The following AK1 variants were observed in gnomAD, a reference collection of about 807,000 sequenced individuals.
AK1 encodes adenylate kinase 1.
AK1 carries 13 observed loss-of-function variants against 23.9 expected under a neutral mutation model. That is an observed-to-expected ratio of 0.54 (90% CI 0.35 to 0.86). The LOEUF (loss-of-function observed/expected upper bound fraction) is 0.86, where lower values mean the gene tolerates loss of function less well. AK1 is among the 40% of genes least tolerant of loss of function. AK1 has a pLI of 0.01. For synonymous variants in AK1, 97 were observed against 102.8 expected (o/e 0.94, Z 0.34); for missense variants, 214 against 255.1 (o/e 0.84, Z 1.10).
At chr9:127,873,991 G>A in intron 2 of AK1, 2 of 985,446 alleles carry the variant, frequency 2.0e-6, no homozygotes, top group Non-Finnish European at 2.4e-6. Context: ...CCCTATCCCG[G>A]GGGTGCAGTG....
At chr9:127,875,826 A>C (rs1272212304) in intron 1 of AK1, among the ~76,000 whole-genome samples, 1 of 151,440 alleles carries the variant, frequency 6.6e-6, no homozygotes, top group Non-Finnish European at 1.5e-5. Flanking sequence ...TCCCCTCCCC[A>C]GGCTCTCTCC....
In AK1 at chr9:127,866,992, C is replaced by T. The variant is rs918726473; in HGVS notation, c.*1016G>A. On this transcript the variant is annotated 3_prime_UTR_variant, in exon 7 of 7. Transcript: ENST00000644144. ...TCAGGTCTCACCCCTGACCATGACT[C>T]CCCCAATTCAATTTCTTTTTTTTTT... 6.6e-6 allele frequency: 1 copy of T among 151,724 alleles called. No individual in the cohort carries two copies. The highest frequency in any genetic ancestry group is 1.5e-5 in the Non-Finnish European group (1 of 68,112). The allele number at this position is 151,724 out of a possible 1,614,324, so 9.4% of individuals were successfully genotyped here. A position where few individuals can be genotyped will look rare whatever the true frequency, so the allele number is the denominator to read the frequency against.
chr9:127,877,681 G>C (rs1740963417), upstream of AK1: 1 of 152,286 alleles, frequency 6.6e-6, no homozygotes, highest in African/African-American at 2.4e-5. This position sits in a 1 kb window ranked among gnomAD's most constrained non-coding sequence, Gnocchi z 5.2. Context: ...TCCTCGCGGC[G>C]GCCGGCAAAG....
chr9:127,870,811 ATGGGAATGG>A (rs1564472132), intron 5 of AK1, among the ~76,000 whole-genome samples: 1 of 16,384 alleles, frequency 6.1e-5, no homozygotes, highest in African/African-American at 1.1e-4. Flanking sequence ...GAGACGGGGC[ATGGGAATGG>A]GGCATGGGAA....
intron 5 of AK1, among the ~76,000 whole-genome samples, chr9:127,870,756 T>C (rs1429955488): frequency 6.6e-6 from 1 of 151,716 alleles, no homozygotes; most frequent in Non-Finnish European, 1.5e-5. Flanking sequence ...TGGCCTCCTA[T>C]CCCCAGATGA....
rs750337792 is a variant in AK1, at chr9:127,873,087, G to A, written c.8-26C>T. On this transcript the variant is annotated intron_variant, in intron 2 of 6. Coordinates refer to ENST00000644144, the MANE Select transcript of AK1 (RefSeq NM_000476.3). The stretch of plus-strand genomic sequence containing the variant: ...CTGCGGGAGAGAAAAGGGGAGCAGG[G>A]CTCAGTCACTCGCTGGACCCACAGC... 6.8e-6 allele frequency: 11 copies of A among 1,611,202 alleles called. No individual in the cohort carries two copies. In the South Asian group the frequency reaches 1.1e-4, roughly 16 times the overall value.
Position 127,867,998 on chromosome 9 carries a change from T to C in AK1, c.*10A>G. Reference sequence around the variant, plus strand: ...CGGGGCTCTGAGCTGGGGAAGCGGCTCCAGCGTTGCTACTTTAGGGCGTCC... The same window carrying C: ...CGGGGCTCTGAGCTGGGGAAGCGGCCCCAGCGTTGCTACTTTAGGGCGTCC... On this transcript the variant is annotated 3_prime_UTR_variant, in exon 7 of 7. Transcript: ENST00000644144. The C allele has an allele frequency of 6.2e-7, 1 of 1,613,982 alleles. No homozygotes were observed. Among genetic ancestry groups the C allele is most frequent in the East Asian group, 2.2e-5 (1 of 44,884 alleles).
chr9:127,871,828 G>A lies in AK1; in HGVS notation c.319C>T (p.Arg107Ter), dbSNP rs104894102. ...CACTTGGGTCAGTGCCTTACCCGTC[G>A]CTCAAACTCTTCTCCTTGCTGCACC... ...REVQQGEEFE[R>*]RIGQPTLLLY... is the part of the protein sequence containing the mutation. Residue 107 changes from arginine to a stop codon, truncating the protein, a stop_gained, in exon 5 of 7, where the codon CGA (arginine) becomes TGA (stop). Transcript: ENST00000644144. LOFTEE classifies it high-confidence loss of function. The surrounding 1 kb of genome is among the most constrained non-coding windows in gnomAD (Gnocchi z 4.4). The A allele has an allele frequency of 6.2e-7, 1 of 1,613,862 alleles. No homozygotes were observed. The highest frequency in any genetic ancestry group is 8.5e-7 in the Non-Finnish European group (1 of 1,179,882).
Position 127,868,259 on chromosome 9 carries a change from T to C in AK1, c.516+62A>G, listed in dbSNP as rs1353342526. ...GCTGGCCTGAGGCCACACAGTGAGC[T>C]GAGGCGGAGCCACATAGGAACCCGT... On this transcript the variant is annotated intron_variant, in intron 6 of 6. Coordinates refer to ENST00000644144, the MANE Select transcript of AK1 (RefSeq NM_000476.3). This position sits in a 1 kb window ranked among gnomAD's most constrained non-coding sequence, Gnocchi z 4.1. The C allele has an allele frequency of 4.6e-6, 7 of 1,521,480 alleles. No homozygotes were observed. Among genetic ancestry groups the C allele is most frequent in the African/African-American group, 4.1e-5 (3 of 72,422 alleles). The allele number at this position is 1,521,480 out of a possible 1,614,324, so 94.2% of individuals were successfully genotyped here. A position where few individuals can be genotyped will look rare whatever the true frequency, so the allele number is the denominator to read the frequency against.
rs552926358 is a variant in AK1 at position 127,868,827 on chromosome 9, G to A, written c.325-315C>T. Among the ~76,000 whole-genome samples the A allele has an allele frequency of 2.6e-4, 40 of 152,196 alleles. No homozygotes were observed. Among genetic ancestry groups the A allele is most frequent in the African/African-American group, 7.9e-4 (33 of 41,516 alleles). Reference sequence around the variant, plus strand: ...GTGCTCATGCTGTTCCCTCTGCTAGGAGCCCTCTCCCCCGAGCCTGATCCT... The same window carrying A: ...GTGCTCATGCTGTTCCCTCTGCTAGAAGCCCTCTCCCCCGAGCCTGATCCT... On this transcript the variant is annotated intron_variant, in intron 5 of 6. Transcript: ENST00000644144. The surrounding 1 kb of genome is among the most constrained non-coding windows in gnomAD (Gnocchi z 4.1).
rs574107108 is a variant in AK1 at position 127,871,169 on chromosome 9, G to A, written c.324+654C>T. Among the ~76,000 whole-genome samples, 11 of 151,834 alleles carry A rather than the reference G, an allele frequency of 7.2e-5. 1 individual carries two copies. Among genetic ancestry groups the A allele is most frequent in the South Asian group, 6.2e-4 (3 of 4,830 alleles). On this transcript the variant is annotated intron_variant, in intron 5 of 6. Transcript: ENST00000644144. This position sits in a 1 kb window ranked among gnomAD's most constrained non-coding sequence, Gnocchi z 4.4. The stretch of plus-strand genomic sequence containing the variant: ...TATGTGCAAGCGTCCACGTGTGTGC[G>A]TGTGTGGGGTGCCCCATCCTGGGGA...
Position 127,871,518 on chromosome 9 carries a change from T to C in AK1, c.324+305A>G, listed in dbSNP as rs192314837. On this transcript the variant is annotated intron_variant, in intron 5 of 6. Coordinates refer to ENST00000644144, the MANE Select transcript of AK1 (RefSeq NM_000476.3). The surrounding 1 kb of genome is among the most constrained non-coding windows in gnomAD (Gnocchi z 4.4). ...GGCAGCTGTGACCTGGTCCTCCCAC[T>C]CCCTGCATTTTGCAGATGGGAAAAC... Among the ~76,000 whole-genome samples the C allele has an allele frequency of 4.4e-4, 67 of 151,550 alleles. No individual in the cohort carries two copies. The highest frequency in any genetic ancestry group is 3.4e-3 in the Middle Eastern group (1 of 294).
At chr9:127,873,901 G>C (rs1170194314) in intron 2 of AK1, 54 of 985,278 alleles carry the variant, frequency 5.5e-5, no homozygotes, top group Non-Finnish European at 6.3e-5. Context: ...GAGGAGGTGG[G>C]CTGGGCGGCT....
rs532412983 is a variant in AK1, at chr9:127,877,361, C to G, written c.-33+262G>C. ...AGTGCCAGCCAGAACAAAGGGGTGACTATCTCGGAGGCTGGAAGGGGCTGC... is the reference window on the plus strand; with the variant it reads ...AGTGCCAGCCAGAACAAAGGGGTGAGTATCTCGGAGGCTGGAAGGGGCTGC... On this transcript the variant is annotated intron_variant, in intron 1 of 6. Transcript: ENST00000644144. The surrounding 1 kb of genome is among the most constrained non-coding windows in gnomAD (Gnocchi z 5.2). 1.7e-4 allele frequency among the ~76,000 whole-genome samples: 26 copies of G among 152,146 alleles called. No individual in the cohort carries two copies. The highest frequency in any genetic ancestry group is 3.4e-4 in the Non-Finnish European group (23 of 67,998).
At chr9:127,870,200 C>CTTT (rs36059128) in intron 5 of AK1, among the ~76,000 whole-genome samples, 3,190 of 122,236 alleles carry the variant, frequency 0.026, 135 homozygotes, top group South Asian at 0.065. Flanking sequence ...AGGGTGGGGA[C>CTTT]TTTTTTTTTT....
rs1340441432 is a variant in AK1 at position 127,877,058 on chromosome 9, G to C, written c.-33+565C>G. 6.6e-6 allele frequency among the ~76,000 whole-genome samples: 1 copy of C among 152,204 alleles called. No individual in the cohort carries two copies. Among genetic ancestry groups the C allele is most frequent in the Non-Finnish European group, 1.5e-5 (1 of 68,038 alleles). On this transcript the variant is annotated intron_variant, in intron 1 of 6. Coordinates refer to ENST00000644144, the MANE Select transcript of AK1 (RefSeq NM_000476.3). The surrounding 1 kb of genome is among the most constrained non-coding windows in gnomAD (Gnocchi z 5.2). ...CTTGGGCAGTTGGTGTCCCCTCTCT[G>C]GGCCTGTCCTGCTGCTGCTGAGGAG...
intron 2 of AK1, chr9:127,873,519 G>A (rs1046286289): frequency 1.8e-5 from 26 of 1,443,210 alleles, no homozygotes; most frequent in African/African-American, 7.2e-5. Flanking sequence ...CCCATCACCC[G>A]CCTCCCCCGG....
At chr9:127,870,692 C>T (rs1475763520) in intron 5 of AK1, among the ~76,000 whole-genome samples, 1 of 152,200 alleles carries the variant, frequency 6.6e-6, no homozygotes, top group Non-Finnish European at 1.5e-5. Context: ...GTGGGGTAGA[C>T]ACTTTCCTGA....
intron 5 of AK1, among the ~76,000 whole-genome samples, chr9:127,869,106 G>A (rs943587315): frequency 6.6e-6 from 1 of 152,168 alleles, no homozygotes; most frequent in African/African-American, 2.4e-5. Context: ...GCTGAGTCCT[G>A]GGGGGTTCTG....
Sources: gnomAD v4.1 joint callset for allele counts (sites outside exome capture counted in the v4.1 genomes callset) on GRCh38, gnomAD v4.1.1 for gene constraint, Gnocchi (gnomAD v3.1) non-coding constraint, MANE v1.5 for transcripts, NCBI Gene and HGNC (gene_info 2026-07-23, HGNC 2026-07-21) for gene names.